The following DLGAP5 variants were observed in gnomAD, a reference collection of about 807,000 sequenced individuals.
DLGAP5 encodes disks large-associated protein 5.
DLGAP5 carries 90 observed loss-of-function variants against 99.6 expected under a neutral mutation model. The ratio of observed to expected loss-of-function variants is 0.90; its 90% CI spans 0.76 to 1.08. The LOEUF (loss-of-function observed/expected upper bound fraction) is 1.08. Among genes scored for constraint, DLGAP5 ranks in the 50% least tolerant of loss-of-function variants. DLGAP5 has a pLI of 0.00. For missense variants in DLGAP5, 1,036 were observed against 983.5 expected (o/e 1.05, Z -0.71); for synonymous variants, 311 against 321.3 (o/e 0.97, Z 0.34).
chr14:55,174,047 G>A (rs930491602), intron 10 of DLGAP5, among the ~76,000 whole-genome samples: 14 of 152,136 alleles, frequency 9.2e-5, no homozygotes, highest in Non-Finnish European at 1.5e-4. Context: ...TGAGCCGGGC[G>A]GAACAGAGCC....
Position 55,177,218 on chromosome 14 carries a change from G to A in DLGAP5, c.893C>T (p.Thr298Ile). Residue 298 changes from threonine (T) to isoleucine (I), a missense_variant, in exon 8 of 19, where the codon ACT (threonine) becomes ATT (isoleucine). Thr to Ile is a moderately conservative substitution (Grantham distance 89). Coordinates refer to ENST00000247191, the MANE Select transcript of DLGAP5 (RefSeq NM_014750.5). ...SKMENLPEIN[T>I]AKIKGKNSFA... ...GGAATTCTTCCCTTTTATTTTTGCA[G>A]TATTTATCTCAGGTAAGTTTTCCAT... The A allele has an allele frequency of 6.2e-7, 1 of 1,613,500 alleles. No homozygotes were observed. The highest frequency in any genetic ancestry group is 8.5e-7 in the Non-Finnish European group (1 of 1,179,796).
Position 55,183,699 on chromosome 14 carries a change from T to C in DLGAP5, c.293A>G (p.Lys98Arg), listed in dbSNP as rs1246276956. Residue 98 changes from lysine to arginine, a missense_variant, in exon 3 of 19, where the codon AAA becomes AGA. Lys to Arg is a conservative substitution (Grantham distance 26). Transcript: ENST00000247191. ...CAATTTTTGAAGTTGCTTTTCTTCTTTGTATTTTTGGAGCATCTGTTTTCG... is the reference window on the plus strand; with the variant it reads ...CAATTTTTGAAGTTGCTTTTCTTCTCTGTATTTTTGGAGCATCTGTTTTCG... ...DQRKQMLQKY[K>R]EEKQLQKLKE... is the part of the protein sequence containing the mutation. 6.2e-7 allele frequency: 1 copy of C among 1,609,756 alleles called. No individual in the cohort carries two copies. Among genetic ancestry groups the C allele is most frequent in the South Asian group, 1.1e-5 (1 of 89,978 alleles).
Position 55,177,192 on chromosome 14 carries a change from A to G in DLGAP5, c.919T>C (p.Phe307Leu). 3 of 1,613,846 alleles carry G rather than the reference A, an allele frequency of 1.9e-6. No homozygotes were observed. Among genetic ancestry groups the G allele is most frequent in the Non-Finnish European group, 2.5e-6 (3 of 1,179,938 alleles). Residue 307 changes from phenylalanine to leucine, a missense_variant, in exon 8 of 19, where the codon TTT becomes CTT. Physicochemically the swap from Phe to Leu is conservative, Grantham distance 22 (BLOSUM62 0). Coordinates refer to ENST00000247191, the MANE Select transcript of DLGAP5 (RefSeq NM_014750.5). ...NTAKIKGKNS[F>L]APKDFMFQPL... ...TGAAACATAAAATCCTTAGGTGCAA[A>G]GGAATTCTTCCCTTTTATTTTTGCA... is the stretch of plus-strand genomic sequence containing the variant.
chr14:55,166,879 TAAA>T (rs1334737097), intron 12 of DLGAP5, among the ~76,000 whole-genome samples: 7 of 141,404 alleles, frequency 5.0e-5, no homozygotes, highest in Non-Finnish European at 6.2e-5. Flanking sequence ...CTTTTGTGTT[TAAA>T]AAAAAAAAAA....
intron 2 of DLGAP5, among the ~76,000 whole-genome samples, chr14:55,187,030 G>A (rs546778829): frequency 2.7e-5 from 4 of 150,562 alleles, no homozygotes; most frequent in East Asian, 2.0e-4. Flanking sequence ...TGCCTCAGCC[G>A]CCCAAGTAGC....
chr14:55,169,025 A>C lies in DLGAP5; in HGVS notation c.1548+374T>G, dbSNP rs536318427. On this transcript the variant is annotated intron_variant, in intron 12 of 18. Coordinates refer to ENST00000247191, the MANE Select transcript of DLGAP5 (RefSeq NM_014750.5). The stretch of plus-strand genomic sequence containing the variant: ...CTCCGTCTCTACTAAAAATACAAAA[A>C]ATTAGCCAGATGAGGTGGCAGGCGC... Among the ~76,000 whole-genome samples the C allele has an allele frequency of 4.0e-5, 6 of 151,776 alleles. No individual in the cohort carries two copies. In the East Asian group the frequency reaches 1.2e-3, roughly 29 times the overall value.
intron 10 of DLGAP5, among the ~76,000 whole-genome samples, chr14:55,173,464 G>C (rs1594676251): frequency 6.6e-6 from 1 of 151,730 alleles, no homozygotes; most frequent in Non-Finnish European, 1.5e-5. Context: ...CTCTCAAAAA[G>C]TATATTTATA....
At chr14:55,174,004 A>G (rs1008665379) in intron 10 of DLGAP5, among the ~76,000 whole-genome samples, 4 of 152,244 alleles carry the variant, frequency 2.6e-5, no homozygotes, top group African/African-American at 7.2e-5. Context: ...TGTTCAGGGA[A>G]TAAGAGAGAT....
chr14:55,164,916 T>C (rs1291552620), intron 12 of DLGAP5, among the ~76,000 whole-genome samples: 9 of 106,294 alleles, frequency 8.5e-5, no homozygotes, highest in Admixed American at 4.1e-4. Flanking sequence ...AGTGAGACTC[T>C]GTCTCAAAAA....
rs578056979 is a variant in DLGAP5, at chr14:55,148,379, A to G, written c.2513T>C (p.Phe838Ser). 6.2e-7 allele frequency: 1 copy of G among 1,614,058 alleles called. No individual in the cohort carries two copies. Among genetic ancestry groups the G allele is most frequent in the East Asian group, 2.2e-5 (1 of 44,852 alleles). The change falls in exon 19 of 19, where the codon TTT becomes TCT. Residue 838 changes from phenylalanine to serine, a missense_variant. Physicochemically the swap from Phe to Ser is radical, Grantham distance 155. Coordinates refer to ENST00000247191, the MANE Select transcript of DLGAP5 (RefSeq NM_014750.5). ...HISFGGNLIT[F>S]SPLQPGEF ...AAATTCTCCTGGTTGTAGAGGTGAA[A>G]AAGTAATCAGGTTACCACCAAAAGA...
intron 7 of DLGAP5, among the ~76,000 whole-genome samples, chr14:55,177,728 G>A (rs925279170): frequency 1.4e-4 from 21 of 151,274 alleles, no homozygotes; most frequent in African/African-American, 4.6e-4. Context: ...TAGTGGAGAC[G>A]GGGTTTCGCT....
intron 18 of DLGAP5, among the ~76,000 whole-genome samples, chr14:55,149,283 A>C (rs1319296268): frequency 6.6e-6 from 1 of 152,218 alleles, no homozygotes; most frequent in African/African-American, 2.4e-5. Context: ...GGGTTAAATC[A>C]GGTTTACATA....
chr14:55,169,860 C>T (rs1381495343), intron 11 of DLGAP5, among the ~76,000 whole-genome samples: 1 of 135,148 alleles, frequency 7.4e-6, no homozygotes, highest in Admixed American at 7.5e-5. Context: ...TGCCTGCGGG[C>T]GCGGTGGCTC....
chr14:55,180,637 A>G lies in DLGAP5; in HGVS notation c.703+19T>C, dbSNP rs370723746. 1.5e-5 allele frequency: 24 copies of G among 1,613,786 alleles called. No homozygotes were observed. The highest frequency in any genetic ancestry group is 5.0e-5 in the Admixed American group (3 of 59,950). ...ACCAAACATTCTAGTTCAGTCACTG[A>G]TCAAGGAATAGTTCTCACCATTAGC... On this transcript the variant is annotated intron_variant, in intron 6 of 18. Coordinates refer to ENST00000247191, the MANE Select transcript of DLGAP5 (RefSeq NM_014750.5).
At chr14:55,187,318 CTTT>C (rs1194143957) in intron 2 of DLGAP5, among the ~76,000 whole-genome samples, 3 of 126,698 alleles carry the variant, frequency 2.4e-5, no homozygotes, top group Non-Finnish European at 1.6e-5. Context: ...CAAAGTGATC[CTTT>C]TTTTTTTTTT....
At chr14:55,169,342 T>TAAAAAAAAA (rs61278586) in intron 12 of DLGAP5, 57 bp downstream of exon 12, 1 of 807,844 alleles carries the variant, frequency 1.2e-6, no homozygotes. Context: ...TCCTGCTACT[T>TAAAAAAAAA]AAAAAAAAAA....
In DLGAP5 at chr14:55,155,354, TG is replaced by T. The variant is rs1424805553; in HGVS notation, c.1874-549del. Reference sequence around the variant, plus strand: ...CAGAGATAACCTTTTTTTTTGTTTTTGTTTTTTTAGAGATGGAGTTTCATTC... The same window carrying T: ...CAGAGATAACCTTTTTTTTTGTTTTTTTTTTTTAGAGATGGAGTTTCATTC... On this transcript the variant is annotated intron_variant, in intron 14 of 18. Transcript: ENST00000247191. Among the ~76,000 whole-genome samples the T allele has an allele frequency of 3.9e-4, 59 of 150,054 alleles. 2 individuals are homozygous for T. In the South Asian group the frequency reaches 8.5e-3, roughly 22 times the overall value.
At chr14:55,175,549 TA>T (rs1334315563) in intron 9 of DLGAP5, 77 bp from the exon 10 acceptor site, 5 of 921,096 alleles carry the variant, frequency 5.4e-6, no homozygotes, top group Non-Finnish European at 8.1e-6. Flanking sequence ...AAAGACATTT[TA>T]AAAATCCTTT....
chr14:55,176,917 A>T, intron 8 of DLGAP5, 145 bp downstream of exon 8: 2 of 584,718 alleles, frequency 3.4e-6, no homozygotes, highest in Non-Finnish European at 4.9e-6. Context: ...GGCGGAGCTT[A>T]CAGTGAGGGG....
Sources: allele counts gnomAD v4.1 joint callset (sites outside exome capture counted in the v4.1 genomes callset), GRCh38; gene constraint gnomAD v4.1.1; transcripts MANE v1.5; gene names NCBI Gene and HGNC (gene_info 2026-07-23, HGNC 2026-07-21).